Variants in TTI2 observed in about 807,000 individuals in gnomAD.
TTI2 encodes TELO2-interacting protein 2.
A neutral mutation model predicts 44.9 loss-of-function variants in TTI2; 26 were observed. The observed-to-expected ratio is 0.58, with a 90% CI of 0.42 to 0.80. The LOEUF (loss-of-function observed/expected upper bound fraction) is 0.80, where lower values mean the gene tolerates loss of function less well. Among genes scored for constraint, TTI2 ranks in the 30% least tolerant of loss-of-function variants. TTI2 has a pLI of 0.00. For synonymous variants in TTI2, 254 were observed against 250.9 expected (o/e 1.01, Z -0.12); for missense variants, 582 against 611.6 (o/e 0.95, Z 0.51).
At chr8:33,501,263 TGCG>T (rs1809068649) in intron 6 of TTI2, 1 of 152,248 alleles carries the variant, frequency 6.6e-6, no homozygotes, top group Non-Finnish European at 1.5e-5. Context: ...TATGGACAGA[TGCG>T]TGACTGGGAG....
intron 3 of TTI2, among the ~76,000 whole-genome samples, chr8:33,509,293 C>T (rs1205901637): frequency 6.6e-6 from 1 of 151,220 alleles, no homozygotes; most frequent in Non-Finnish European, 1.5e-5. Context: ...CCCATCTCTA[C>T]TAAAAATACA....
At position 33,512,583 on chromosome 8, in the gene TTI2, A is replaced by G; in HGVS notation, c.31T>C (p.Ser11Pro). 6.2e-7 allele frequency: 1 copy of G among 1,613,830 alleles called. No individual in the cohort carries two copies. Among genetic ancestry groups the G allele is most frequent in the Non-Finnish European group, 8.5e-7 (1 of 1,180,026 alleles). MELDSALEAP[S>P]QEDSNLSEEL... is the part of the protein sequence containing the mutation. Reference sequence around the variant, plus strand: ...TCGGACAAATTAGAGTCTTCCTGCGATGGGGCTTCCAGAGCGCTGTCAAGC... The same window carrying G: ...TCGGACAAATTAGAGTCTTCCTGCGGTGGGGCTTCCAGAGCGCTGTCAAGC... The change falls in exon 2 of 8, where the codon TCG becomes CCG. Residue 11 changes from serine (S) to proline (P), a missense_variant. Transcript: ENST00000431156.
At chr8:33,509,681 G>A in intron 3 of TTI2, 65 bp downstream of exon 3, 2 of 1,488,326 alleles carry the variant, frequency 1.3e-6, no homozygotes, top group Non-Finnish European at 1.9e-6. Flanking sequence ...TACTAGAAAT[G>A]AAGAACAGCC....
At chr8:33,506,102 G>C (rs7841518) in intron 4 of TTI2, among the ~76,000 whole-genome samples, 96,120 of 152,036 alleles carry the variant, frequency 0.63, 30,684 homozygotes, top group African/African-American at 0.67. Context: ...GCGCTTTATA[G>C]AAACCTCTTC....
At chr8:33,511,658 C>A (rs1809531927) in intron 2 of TTI2, among the ~76,000 whole-genome samples, 2 of 151,878 alleles carry the variant, frequency 1.3e-5, no homozygotes, top group African/African-American at 4.8e-5. Flanking sequence ...GAGCCCGAGG[C>A]GGGTGGATCA....
chr8:33,499,009 TCTAC>T lies in TTI2; in HGVS notation c.*160_*163del. The T allele has an allele frequency of 1.6e-6, 1 of 644,960 alleles. No individual in the cohort carries two copies. Among genetic ancestry groups the T allele is most frequent in the Admixed American group, 2.9e-5 (1 of 34,012 alleles). The allele number at this position is 644,960 out of a possible 1,614,324, so 40.0% of individuals were successfully genotyped here. A position where few individuals can be genotyped will look rare whatever the true frequency, so the allele number is the denominator to read the frequency against. ...TGGAAGGAGTTCAATTTTTTCTTGT[TCTAC>T]TTTCCCTATTCTTATGGAGGTAAAA... On this transcript the variant is annotated 3_prime_UTR_variant, in exon 8 of 8. Transcript: ENST00000431156.
chr8:33,506,656 G>A (rs1166836641), intron 4 of TTI2, among the ~76,000 whole-genome samples: 1 of 145,416 alleles, frequency 6.9e-6, no homozygotes, highest in African/African-American at 2.6e-5. Context: ...CTCCCAAAGT[G>A]CTGGGATTTA....
rs1808956744 is a variant in TTI2, at chr8:33,499,028, T to C, written c.*145A>G. The C allele has an allele frequency of 3.0e-6, 2 of 663,262 alleles. No homozygotes were observed. The highest frequency in any genetic ancestry group is 3.4e-5 in the South Asian group (2 of 58,936). The allele number at this position is 663,262 out of a possible 1,614,324, so 41.1% of individuals were successfully genotyped here. A position where few individuals can be genotyped will look rare whatever the true frequency, so the allele number is the denominator to read the frequency against. ...TCTTGTTCTACTTTCCCTATTCTTA[T>C]GGAGGTAAAAGGAAAGGAAGGAAGG... is the stretch of plus-strand genomic sequence containing the variant. On this transcript the variant is annotated 3_prime_UTR_variant, in exon 8 of 8. Transcript: ENST00000431156.
Position 33,509,772 on chromosome 8 carries a change from A to G in TTI2, c.808T>C (p.Cys270Arg). The change falls in exon 3 of 8, where the codon TGT (cysteine) becomes CGT (arginine). Residue 270 changes from cysteine (C) to arginine (R), a missense_variant. Transcript: ENST00000431156. ...QTENKILGVH[C>R]LHHIVLNVPA... ...ACATTAAGCACAATGTGATGGAGAC[A>G]GTGTACACCCAGGATTTTGTTCTCA... is the stretch of plus-strand genomic sequence containing the variant. The G allele has an allele frequency of 1.9e-6, 3 of 1,614,154 alleles. No individual in the cohort carries two copies. Among genetic ancestry groups the G allele is most frequent in the Non-Finnish European group, 2.5e-6 (3 of 1,180,002 alleles).
intron 2 of TTI2, 47 bp from the exon 3 acceptor site, chr8:33,509,979 CAAAAAAAAA>C: frequency 4.8e-6 from 2 of 416,692 alleles, no homozygotes; most frequent in Non-Finnish European, 7.8e-6. Flanking sequence ...TGATAAGTAG[CAAAAAAAAA>C]AAAAAAAAAA....
intron 6 of TTI2, among the ~76,000 whole-genome samples, chr8:33,501,497 G>A (rs115996909): frequency 0.015 from 2,329 of 152,054 alleles, 71 homozygotes; most frequent in African/African-American, 0.053. Context: ...AATCTGATTC[G>A]ATTTTATTCA....
Position 33,512,569 on chromosome 8 carries a change from A to G in TTI2, c.45T>C (p.Ser15=). The part of the protein sequence containing the change: ...SALEAPSQED[S]NLSEELSHSA... ...AGTGAGACAACTCCTCGGACAAATT[A>G]GAGTCTTCCTGCGATGGGGCTTCCA... Residue 15 remains serine (S), a synonymous_variant, in exon 2 of 8, where the codon TCT becomes TCC. Transcript: ENST00000431156. The G allele has an allele frequency of 1.2e-6, 2 of 1,614,066 alleles. No homozygotes were observed. Among genetic ancestry groups the G allele is most frequent in the East Asian group, 4.5e-5 (2 of 44,880 alleles).
chr8:33,504,289 A>ATTTTTTTTTTTTTTTTTTTTTT (rs1169577360), intron 4 of TTI2, among the ~76,000 whole-genome samples: 1 of 72,978 alleles, frequency 1.4e-5, no homozygotes, highest in African/African-American at 5.7e-5. Context: ...ATATTTACAC[A>ATTTTTTTTTTTTTTTTTTTTTT]TTTTTTTTTT....
chr8:33,503,883 T>G lies in TTI2; in HGVS notation c.980A>C (p.His327Pro). The G allele has an allele frequency of 6.2e-7, 1 of 1,614,070 alleles. No individual in the cohort carries two copies. The highest frequency in any genetic ancestry group is 1.1e-5 in the South Asian group (1 of 91,076). ...GGGTCGAGCTCCATCTCCTTTCCAG[T>G]GCAGGGTTTTCTCCAGGATGGGGAA... The part of the protein sequence containing the change: ...DLFPILEKTL[H>P]WKGDGARPTT... Residue 327 changes from histidine (H) to proline (P), a missense_variant, in exon 5 of 8, where the codon CAC (histidine) becomes CCC (proline). By Grantham distance (77) the His-to-Pro change is moderately conservative. Coordinates refer to ENST00000431156, the MANE Select transcript of TTI2 (RefSeq NM_001102401.4).
chr8:33,499,037 A>T lies in TTI2; in HGVS notation c.*136T>A. 1 of 691,304 alleles carries T rather than the reference A, an allele frequency of 1.4e-6. No individual in the cohort carries two copies. Among genetic ancestry groups the T allele is most frequent in the Non-Finnish European group, 2.4e-6 (1 of 412,256 alleles). 42.8% of individuals were successfully genotyped at this position (691,304 alleles called of 1,614,324 possible). On this transcript the variant is annotated 3_prime_UTR_variant, in exon 8 of 8. Coordinates refer to ENST00000431156, the MANE Select transcript of TTI2 (RefSeq NM_001102401.4). Reference sequence around the variant, plus strand: ...ACTTTCCCTATTCTTATGGAGGTAAAAGGAAAGGAAGGAAGGAAAAAGCAG... The same window carrying T: ...ACTTTCCCTATTCTTATGGAGGTAATAGGAAAGGAAGGAAGGAAAAAGCAG...
rs779881685 is a variant in TTI2 at position 33,507,309 on chromosome 8, A to G, written c.847T>C (p.Leu283=). 6.2e-7 allele frequency: 1 copy of G among 1,614,194 alleles called. No individual in the cohort carries two copies. Among genetic ancestry groups the G allele is most frequent in the Non-Finnish European group, 8.5e-7 (1 of 1,180,010 alleles). Residue 283 remains leucine (L), a synonymous_variant, in exon 4 of 8, where the codon TTG becomes CTG. Coordinates refer to ENST00000431156, the MANE Select transcript of TTI2 (RefSeq NM_001102401.4). Reference sequence around the variant, plus strand: ...ACCTGGGCTCTGTTATACTGGAGCAAATCAGCAGCTGGCTGCAACCAGACA... The same window carrying G: ...ACCTGGGCTCTGTTATACTGGAGCAGATCAGCAGCTGGCTGCAACCAGACA... ...HIVLNVPAAD[L]LQYNRAQVLY...
intron 3 of TTI2, among the ~76,000 whole-genome samples, chr8:33,509,165 G>T (rs1447484926): frequency 6.8e-6 from 1 of 146,590 alleles, no homozygotes; most frequent in African/African-American, 2.5e-5. Context: ...AGAAAGAAAG[G>T]AAGTAGGCCA....
In TTI2 at chr8:33,512,317, C is replaced by G; in HGVS notation, c.297G>C (p.Glu99Asp). The change falls in exon 2 of 8, where the codon GAG becomes GAC. Residue 99 changes from glutamate to aspartate, a missense_variant. Glu to Asp is a conservative substitution (Grantham distance 45, BLOSUM62 2). Transcript: ENST00000431156. ...LEKYAAPSKEEEGGGDGHSEA... is the reference protein window; with the variant it reads ...LEKYAAPSKEDEGGGDGHSEA... ...CGGAGTGCCCATCACCTCCACCTTC[C>G]TCCTCCTTGGAGGGGGCTGCATACT... 3 of 1,614,190 alleles carry G rather than the reference C, an allele frequency of 1.9e-6. No homozygotes were observed. The highest frequency in any genetic ancestry group is 2.5e-6 in the Non-Finnish European group (3 of 1,180,036).
rs556908260 is a variant in TTI2 at position 33,511,493 on chromosome 8, T to C, written c.647+474A>G. Among the ~76,000 whole-genome samples, 5 of 152,312 alleles carry C rather than the reference T, an allele frequency of 3.3e-5. No homozygotes were observed. The South Asian group carries it at 1.0e-3, about 32-fold the overall frequency. On this transcript the variant is annotated intron_variant, in intron 2 of 7. Coordinates refer to ENST00000431156, the MANE Select transcript of TTI2 (RefSeq NM_001102401.4). Reference sequence around the variant, plus strand: ...TGCCACTATCCAGTTATGTCATTTATAGCAAATCACAACGTTTCTGGGCCT... The same window carrying C: ...TGCCACTATCCAGTTATGTCATTTACAGCAAATCACAACGTTTCTGGGCCT...
Sources: allele counts gnomAD v4.1 joint callset (sites outside exome capture counted in the v4.1 genomes callset), GRCh38; gene constraint gnomAD v4.1.1; transcripts MANE v1.5; gene names NCBI Gene and HGNC (gene_info 2026-07-23, HGNC 2026-07-21).